Variants in SLC6A5 observed in about 807,000 individuals in gnomAD.
The protein encoded by SLC6A5 is sodium- and chloride-dependent glycine transporter 2.
A neutral mutation model predicts 90.5 loss-of-function variants in SLC6A5; 58 were observed. That is an observed-to-expected ratio of 0.64 (90% CI 0.52 to 0.80). The LOEUF is 0.80. Among genes scored for constraint, SLC6A5 ranks in the 30% least tolerant of loss-of-function variants. SLC6A5 has a pLI of 0.00. For missense variants in SLC6A5, 1,015 were observed against 1,017.6 expected, an observed-to-expected ratio of 1.00 and a Z score of 0.03; for synonymous variants, 427 against 401.4, an observed-to-expected ratio of 1.06 and a Z score of -0.76.
At chr11:20,649,303 G>T (rs986961816) in intron 14 of SLC6A5, among the ~76,000 whole-genome samples, 2 of 152,146 alleles carry the variant, frequency 1.3e-5, no homozygotes, top group Non-Finnish European at 2.9e-5. Context: ...ATGAGAAGGG[G>T]TCAATTCCAT....
Position 20,599,691 on chromosome 11 carries a change from T to A in SLC6A5, c.3+16T>A, listed in dbSNP as rs1482700050. On this transcript the variant is annotated intron_variant, in intron 1 of 15. Transcript: ENST00000525748. ...GTCAGACATGGTGAGTGTTTGCTTT[T>A]GTTCTTTCAAGAGGAAAGGGGGCTG... The A allele has an allele frequency of 1.2e-6, 2 of 1,614,138 alleles. No homozygotes were observed. Among genetic ancestry groups the A allele is most frequent in the Admixed American group, 1.7e-5 (1 of 60,016 alleles).
At chr11:20,639,972 T>C (rs1853281914) in intron 13 of SLC6A5, among the ~76,000 whole-genome samples, 1 of 152,208 alleles carries the variant, frequency 6.6e-6, no homozygotes, top group Non-Finnish European at 1.5e-5. Flanking sequence ...GAAGACCTGC[T>C]GTCGGAGTTA....
chr11:20,639,780 CA>C (rs1266641163), intron 13 of SLC6A5, among the ~76,000 whole-genome samples: 2 of 152,180 alleles, frequency 1.3e-5, no homozygotes, highest in Non-Finnish European at 1.5e-5. Flanking sequence ...ATGATACCTG[CA>C]GTCAATTTTG....
chr11:20,624,605 G>C (rs977928993), intron 7 of SLC6A5, among the ~76,000 whole-genome samples: 4 of 152,148 alleles, frequency 2.6e-5, no homozygotes, highest in Non-Finnish European at 5.9e-5. Context: ...CGTGCGGCAG[G>C]TGCCCTGTGT....
chr11:20,618,730 A>G (rs1363945031), intron 7 of SLC6A5, among the ~76,000 whole-genome samples: 1 of 152,104 alleles, frequency 6.6e-6, no homozygotes, highest in Non-Finnish European at 1.5e-5. Context: ...TGAAGCCTGG[A>G]GTTCGAGACC....
chr11:20,652,232 A>G (rs1853547323), intron 14 of SLC6A5, 57 bp from the exon 15 acceptor site: 1 of 1,510,536 alleles, frequency 6.6e-7, no homozygotes, highest in African/African-American at 1.4e-5. Context: ...AATAGTGTTG[A>G]GTGCTTGAAT....
rs1018556764 is a variant in SLC6A5, at chr11:20,655,067, G to A, written c.*199G>A. On this transcript the variant is annotated 3_prime_UTR_variant, in exon 16 of 16. Coordinates refer to ENST00000525748, the MANE Select transcript of SLC6A5 (RefSeq NM_004211.5). Reference sequence around the variant, plus strand: ...AAGAGCTACATAGACCACCTGAAGCGCTGTTTGCCTGTGCCCATGGTGACT... The same window carrying A: ...AAGAGCTACATAGACCACCTGAAGCACTGTTTGCCTGTGCCCATGGTGACT... 1.8e-4 allele frequency: 111 copies of A among 629,296 alleles called. No homozygotes were observed. Among genetic ancestry groups the A allele is most frequent in the Middle Eastern group, 1.2e-3 (3 of 2,578 alleles). 39.0% of individuals were successfully genotyped at this position (629,296 alleles called of 1,614,324 possible).
At chr11:20,653,285 T>C (rs763114878) in intron 15 of SLC6A5, among the ~76,000 whole-genome samples, 4 of 152,190 alleles carry the variant, frequency 2.6e-5, no homozygotes, top group Non-Finnish European at 1.5e-5. Flanking sequence ...TGAGAACTTG[T>C]TGGAAATGCA....
rs75478325 is a variant in SLC6A5, at chr11:20,601,688, C to T, written c.540+23C>T. Reference sequence around the variant, plus strand: ...CAGGTAAGCAGGTTGCATTACGGCCCGCACAGTGTCCTGCTCTCCAGCTGC... The same window carrying T: ...CAGGTAAGCAGGTTGCATTACGGCCTGCACAGTGTCCTGCTCTCCAGCTGC... On this transcript the variant is annotated intron_variant, in intron 2 of 15. Coordinates refer to ENST00000525748, the MANE Select transcript of SLC6A5 (RefSeq NM_004211.5). 2.6e-3 allele frequency: 4,193 copies of T among 1,607,674 alleles called. 115 individuals are homozygous for T. The African/African-American group carries it at 0.051, about 20-fold the overall frequency.
intron 7 of SLC6A5, among the ~76,000 whole-genome samples, chr11:20,625,557 C>T (rs961940665): frequency 4.1e-4 from 63 of 152,178 alleles, no homozygotes; most frequent in Non-Finnish European, 2.1e-4. Context: ...CCACCGCGCC[C>T]GGCCTCCCAA....
At chr11:20,599,998 C>A (rs1227317635) in intron 1 of SLC6A5, among the ~76,000 whole-genome samples, 6 of 152,124 alleles carry the variant, frequency 3.9e-5, no homozygotes, top group African/African-American at 1.4e-4. Context: ...GAGACAAATG[C>A]TGGCTGAAGC....
At chr11:20,613,360 G>A (rs1320446099) in intron 5 of SLC6A5, among the ~76,000 whole-genome samples, 2 of 152,174 alleles carry the variant, frequency 1.3e-5, no homozygotes, top group Non-Finnish European at 2.9e-5. Flanking sequence ...GCAAAATAAC[G>A]TCCTTTGGGA....
At position 20,631,212 on chromosome 11, in the gene SLC6A5, C is replaced by T. The variant is rs1853103805; in HGVS notation, c.1624+397C>T. 2.0e-5 allele frequency among the ~76,000 whole-genome samples: 3 copies of T among 152,182 alleles called. No individual in the cohort carries two copies. In the South Asian group the frequency reaches 6.2e-4, roughly 32 times the overall value. ...GTAGGATGACATTCATTGCAGAAGG[C>T]CCTGTCGAAACCAAGGCTTAGTGAG... On this transcript the variant is annotated intron_variant, in intron 10 of 15. Transcript: ENST00000525748.
At chr11:20,645,594 A>G (rs1442481967) in intron 13 of SLC6A5, among the ~76,000 whole-genome samples, 2 of 148,230 alleles carry the variant, frequency 1.3e-5, no homozygotes, top group Non-Finnish European at 3.0e-5. Context: ...GCAGGTACCC[A>G]CTTTTCATGA....
At position 20,607,121 on chromosome 11, in the gene SLC6A5, C is replaced by T; in HGVS notation, c.794C>T (p.Ala265Val). Residue 265 changes from alanine to valine, a missense_variant, in exon 4 of 16, where the codon GCC becomes GTC. Transcript: ENST00000525748. ...CAGGGACCAGTGTCTGTGTGGAAGG[C>T]CATCCCAGCTCTACAAGGTGAGTCC... ...ASQGPVSVWK[A>V]IPALQGCGIA... The T allele has an allele frequency of 1.9e-6, 3 of 1,613,978 alleles. No individual in the cohort carries two copies. The highest frequency in any genetic ancestry group is 2.5e-6 in the Non-Finnish European group (3 of 1,179,968).
chr11:20,606,706 G>A lies in SLC6A5; in HGVS notation c.680-301G>A, dbSNP rs188935751. 3.3e-5 allele frequency among the ~76,000 whole-genome samples: 5 copies of A among 152,226 alleles called. No individual in the cohort carries two copies. In the East Asian group the frequency reaches 7.7e-4, roughly 24 times the overall value. On this transcript the variant is annotated intron_variant, in intron 3 of 15. Coordinates refer to ENST00000525748, the MANE Select transcript of SLC6A5 (RefSeq NM_004211.5). ...GAGGGCTTCATTTTGGGAAACTGAAGTGCTATAATAAAAAAAGAAAATAAT... is the reference window on the plus strand; with the variant it reads ...GAGGGCTTCATTTTGGGAAACTGAAATGCTATAATAAAAAAAGAAAATAAT...
At chr11:20,637,691 C>T (rs1307417227) in intron 12 of SLC6A5, among the ~76,000 whole-genome samples, 1 of 152,144 alleles carries the variant, frequency 6.6e-6, no homozygotes, top group African/African-American at 2.4e-5. Context: ...CCACTATACT[C>T]CTGCCTGGGC....
intron 9 of SLC6A5, among the ~76,000 whole-genome samples, chr11:20,628,781 G>T (rs1324100574): frequency 6.6e-6 from 1 of 152,176 alleles, no homozygotes; most frequent in Non-Finnish European, 1.5e-5. Context: ...TAGAAATGAG[G>T]CTGTGGTGTG....
rs561992267 is a variant in SLC6A5 at position 20,652,605 on chromosome 11, C to G, written c.2238+149C>G. 6.7e-5 allele frequency: 56 copies of G among 835,598 alleles called. No individual in the cohort carries two copies. The South Asian group carries it at 7.5e-4, about 11-fold the overall frequency. 51.8% of individuals were successfully genotyped at this position (835,598 alleles called of 1,614,324 possible). A position where few individuals can be genotyped will look rare whatever the true frequency, so the allele number is the denominator to read the frequency against. ...TACAGTTGCCACCGTTTCTGTTAAA[C>G]CCATTTTTATTATGTATGATTCCTC... is the stretch of plus-strand genomic sequence containing the variant. On this transcript the variant is annotated intron_variant, in intron 15 of 15. Coordinates refer to ENST00000525748, the MANE Select transcript of SLC6A5 (RefSeq NM_004211.5).
Sources: allele counts gnomAD v4.1 joint callset (sites outside exome capture counted in the v4.1 genomes callset), GRCh38; gene constraint gnomAD v4.1.1; transcripts MANE v1.5; gene names NCBI Gene and HGNC (gene_info 2026-07-23, HGNC 2026-07-21).